The following ATG7 variants were observed in gnomAD, a reference collection of about 807,000 sequenced individuals.
The protein encoded by ATG7 is autophagy related 7.
ATG7 carries 70 observed loss-of-function variants against 82.4 expected under a neutral mutation model. That is an observed-to-expected ratio of 0.85 (90% CI 0.70 to 1.04). The LOEUF (loss-of-function observed/expected upper bound fraction) is 1.04. ATG7 is among the 50% of genes least tolerant of loss of function. The pLI is 0.00. For synonymous variants in ATG7, 287 were observed against 313.0 expected, an observed-to-expected ratio of 0.92 and a Z score of 0.88; for missense variants, 792 against 864.3, an observed-to-expected ratio of 0.92 and a Z score of 1.05.
At chr3:11,415,014 A>C (rs781285378) in intron 19 of ATG7, among the ~76,000 whole-genome samples, 2 of 152,238 alleles carry the variant, frequency 1.3e-5, no homozygotes, top group Non-Finnish European at 2.9e-5. Context: ...AATATCGTAA[A>C]GTGTCCTTAT....
intron 7 of ATG7, among the ~76,000 whole-genome samples, chr3:11,309,394 G>T (rs560336253): frequency 6.6e-6 from 1 of 151,960 alleles, no homozygotes; most frequent in African/African-American, 2.4e-5. Flanking sequence ...TAAAGGAAAG[G>T]TGCTTCTGGA....
the ATG7 span, among the ~76,000 whole-genome samples, chr3:11,562,818 G>C: frequency 6.6e-6 from 1 of 152,230 alleles, no homozygotes; most frequent in Non-Finnish European, 1.5e-5. Flanking sequence ...GGGGTACCCC[G>C]TGGCCCCTGG....
At chr3:11,329,413 C>G (rs1399570053) in intron 9 of ATG7, among the ~76,000 whole-genome samples, 3 of 152,148 alleles carry the variant, frequency 2.0e-5, no homozygotes, top group Non-Finnish European at 4.4e-5. Flanking sequence ...TTAACCCATG[C>G]TATGCTTATG....
chr3:11,390,792 A>T lies in ATG7; in HGVS notation c.1956+10740A>T, dbSNP rs566701611. 3.9e-5 allele frequency among the ~76,000 whole-genome samples: 6 copies of T among 152,282 alleles called. No homozygotes were observed. In the South Asian group the frequency reaches 1.2e-3, roughly 32 times the overall value. ...AGTACTGCAAGGCTTAAAATGGCAC[A>T]TGGGTGTGAACAAATGAGAACGTTA... On this transcript the variant is annotated intron_variant, in intron 19 of 20. Coordinates refer to ENST00000693202, the MANE Select transcript of ATG7 (RefSeq NM_001349232.2).
At chr3:11,404,643 A>G (rs2080162286) in intron 19 of ATG7, among the ~76,000 whole-genome samples, 1 of 152,016 alleles carries the variant, frequency 6.6e-6, no homozygotes, top group Admixed American at 6.6e-5. Context: ...TGCTGCTCAT[A>G]AAGACATACC....
intron 20 of ATG7, chr3:11,488,384 C>G (rs1169546419): frequency 2.6e-6 from 3 of 1,135,100 alleles, no homozygotes; most frequent in Non-Finnish European, 3.4e-6. Flanking sequence ...GCGGCAAAGA[C>G]TGAGACAGCT....
the ATG7 span, among the ~76,000 whole-genome samples, chr3:11,572,745 C>T: frequency 2.0e-5 from 3 of 152,212 alleles, no homozygotes; most frequent in Non-Finnish European, 4.4e-5. Flanking sequence ...CATGTTCCAA[C>T]ACAGAGACCT....
chr3:11,474,871 G>C (rs2087951056), intron 20 of ATG7, among the ~76,000 whole-genome samples: 1 of 152,080 alleles, frequency 6.6e-6, no homozygotes, highest in East Asian at 1.9e-4. Flanking sequence ...TGGGGTGGGA[G>C]TGGGGGGCCG....
intron 19 of ATG7, among the ~76,000 whole-genome samples, chr3:11,393,219 C>CAT (rs1041252315): frequency 7.9e-5 from 12 of 152,130 alleles, no homozygotes; most frequent in African/African-American, 2.2e-4. Flanking sequence ...CCAGCCAACA[C>CAT]ATATATATAT....
the ATG7 span, chr3:11,564,764 C>A: frequency 1.3e-6 from 2 of 1,525,542 alleles, no homozygotes; most frequent in Non-Finnish European, 8.8e-7. Context: ...AGCCCCTGGA[C>A]TCCCCACGCC....
intron 20 of ATG7, among the ~76,000 whole-genome samples, chr3:11,506,226 A>G (rs1575103489): frequency 6.6e-6 from 1 of 152,212 alleles, no homozygotes; most frequent in Non-Finnish European, 1.5e-5. Context: ...CAGTTTAAAC[A>G]TGGTAGAAAT....
intron 20 of ATG7, among the ~76,000 whole-genome samples, chr3:11,434,741 C>T (rs891467574): frequency 6.6e-6 from 1 of 152,110 alleles, no homozygotes; most frequent in African/African-American, 2.4e-5. Context: ...GGGCAGAGTT[C>T]CCCACCCTTC....
intron 20 of ATG7, among the ~76,000 whole-genome samples, chr3:11,537,629 A>T (rs1213953600): frequency 6.6e-6 from 1 of 151,994 alleles, no homozygotes. Flanking sequence ...TGCAACACGA[A>T]CTCCTCAGTC....
At chr3:11,401,588 G>A (rs984505954) in intron 19 of ATG7, among the ~76,000 whole-genome samples, 3 of 152,098 alleles carry the variant, frequency 2.0e-5, no homozygotes, top group African/African-American at 7.2e-5. Context: ...TTAACTTAGG[G>A]GTTTTTTAAA....
rs542478365 is a variant in ATG7 at position 11,291,300 on chromosome 3, T to G, written c.-10-7386T>G. Among the ~76,000 whole-genome samples the G allele has an allele frequency of 4.9e-4, 74 of 152,356 alleles. No homozygotes were observed. In the South Asian group the frequency reaches 0.015, roughly 32 times the overall value. ...ATGATAGCTCTGGCCAGGGCCTTTT[T>G]GTTTTGACTGTTGGAGAGGAGGTTA... On this transcript the variant is annotated intron_variant, in intron 3 of 20. Transcript: ENST00000693202.
At chr3:11,385,645 C>A (rs1335084097) in intron 19 of ATG7, among the ~76,000 whole-genome samples, 1 of 152,140 alleles carries the variant, frequency 6.6e-6, no homozygotes, top group Non-Finnish European at 1.5e-5. Flanking sequence ...ATCCCAATAC[C>A]AATTAATTTT....
chr3:11,519,251 A>G (rs1490876587), intron 20 of ATG7, among the ~76,000 whole-genome samples: 1 of 152,200 alleles, frequency 6.6e-6, no homozygotes, highest in Non-Finnish European at 1.5e-5. Flanking sequence ...AGAAAAACTA[A>G]CCATTATATT....
At chr3:11,306,420 G>A (rs1367922637) in intron 5 of ATG7, among the ~76,000 whole-genome samples, 1 of 152,226 alleles carries the variant, frequency 6.6e-6, no homozygotes, top group Non-Finnish European at 1.5e-5. Context: ...AGTGGAGATA[G>A]CTTTCCGGAA....
intron 14 of ATG7, chr3:11,348,677 AG>A (rs1046806025): frequency 3.9e-5 from 6 of 152,264 alleles, no homozygotes; most frequent in African/African-American, 1.4e-4. Context: ...ACAGCGTGGA[AG>A]GGGACCCAAG....
Sources: allele counts gnomAD v4.1 joint callset (sites outside exome capture counted in the v4.1 genomes callset), GRCh38; gene constraint gnomAD v4.1.1; transcripts MANE v1.5; gene names NCBI Gene and HGNC (gene_info 2026-07-23, HGNC 2026-07-21).